GNB4: variants seen among roughly 807,000 people sequenced by gnomAD.
GNB4 encodes the protein G protein subunit beta 4.
In GNB4, 28 loss-of-function variants were observed where a neutral mutation model predicts 45.2. The ratio of observed to expected loss-of-function variants is 0.62; its 90% CI spans 0.46 to 0.85. GNB4 has a LOEUF of 0.85. GNB4 is among the 40% of genes least tolerant of loss of function. The pLI is 0.00. For synonymous variants in GNB4, 132 were observed against 143.7 expected (o/e 0.92, Z 0.58); for missense variants, 321 against 425.4 (o/e 0.75, Z 2.16).
At chr3:179,464,180 T>C in the GNB4 span, among the ~76,000 whole-genome samples, 9 of 152,138 alleles carry the variant, frequency 5.9e-5, no homozygotes, top group Non-Finnish European at 8.8e-5. Flanking sequence ...AACCTGGGGC[T>C]GGGTGCAGTG....
At chr3:179,467,336 A>C in the GNB4 span, among the ~76,000 whole-genome samples, 19 of 152,150 alleles carry the variant, frequency 1.2e-4, no homozygotes, top group Admixed American at 1.2e-3. Context: ...GGCATAGGAG[A>C]TGTTTCTGGA....
At chr3:179,407,319 C>T (rs1212905061) in intron 8 of GNB4, among the ~76,000 whole-genome samples, 2 of 152,176 alleles carry the variant, frequency 1.3e-5, no homozygotes, top group South Asian at 2.1e-4. Flanking sequence ...ATTAGCACAG[C>T]GTGTTGGCGG....
chr3:179,407,736 G>A (rs191392934), intron 8 of GNB4, among the ~76,000 whole-genome samples: 8 of 151,558 alleles, frequency 5.3e-5, no homozygotes, highest in Admixed American at 2.6e-4. Context: ...ACTGAGTACC[G>A]ATCAGCAGAG....
chr3:179,471,156 G>A, the GNB4 span, among the ~76,000 whole-genome samples: 27 of 143,574 alleles, frequency 1.9e-4, no homozygotes, highest in East Asian at 5.0e-3. Context: ...TCCAACCTGG[G>A]CAACAGAGCG....
chr3:179,426,873 AT>A (rs1715160856), intron 1 of GNB4, among the ~76,000 whole-genome samples: 2 of 152,132 alleles, frequency 1.3e-5, no homozygotes, highest in South Asian at 4.1e-4. Flanking sequence ...CTCTGGTCTA[AT>A]TAGAGCAACT....
chr3:179,502,729 G>A, the GNB4 span, among the ~76,000 whole-genome samples: 1 of 152,110 alleles, frequency 6.6e-6, no homozygotes, highest in East Asian at 1.9e-4. Flanking sequence ...CTGAACATCA[G>A]TAAAATCTTC....
the GNB4 span, among the ~76,000 whole-genome samples, chr3:179,481,989 A>G: frequency 4.6e-5 from 7 of 151,962 alleles, no homozygotes; most frequent in African/African-American, 1.7e-4. Context: ...TATAGCATCT[A>G]CCTCCCTGGC....
At position 179,445,407 on chromosome 3, in the gene GNB4, T is replaced by C. The variant is rs201012431; in HGVS notation, c.-43+5939A>G. Among the ~76,000 whole-genome samples, 8 of 152,208 alleles carry C rather than the reference T, an allele frequency of 5.3e-5. No homozygotes were observed. In the East Asian group the frequency reaches 1.5e-3, roughly 29 times the overall value. The stretch of plus-strand genomic sequence containing the variant: ...TCAATCAATCTTCCTACCCTAGCCT[T>C]CCGAGTAGCTGGAACTACAGGCGTA... On this transcript the variant is annotated intron_variant, in intron 1 of 9. Coordinates refer to ENST00000232564, the MANE Select transcript of GNB4 (RefSeq NM_021629.4).
At chr3:179,503,184 T>A in the GNB4 span, among the ~76,000 whole-genome samples, 1 of 152,104 alleles carries the variant, frequency 6.6e-6, no homozygotes, top group Non-Finnish European at 1.5e-5. Context: ...ATATTTTACC[T>A]AAAAAAACCC....
chr3:179,413,614 C>A lies in GNB4; in HGVS notation c.498-1G>T. ...GGCAGTTTCGATGTCCCATAAAGCA[C>A]TGTAATTAAAAACAAAATTTCATGA... On this transcript the variant is annotated splice_acceptor_variant, in intron 7 of 9. Transcript: ENST00000232564. LOFTEE classifies it high-confidence loss of function. 9 of 1,614,068 alleles carry A rather than the reference C, an allele frequency of 5.6e-6. No homozygotes were observed. The highest frequency in any genetic ancestry group is 7.6e-6 in the Non-Finnish European group (9 of 1,179,940).
At chr3:179,471,529 G>A in the GNB4 span, among the ~76,000 whole-genome samples, 75 of 152,318 alleles carry the variant, frequency 4.9e-4, no homozygotes, top group East Asian at 0.012. Context: ...GTATAGGCTT[G>A]TAGCCTAGGA....
the GNB4 span, among the ~76,000 whole-genome samples, chr3:179,483,475 A>T: frequency 6.6e-6 from 1 of 152,174 alleles, no homozygotes; most frequent in Non-Finnish European, 1.5e-5. Context: ...TATAGTTATT[A>T]TAGCTGAGCC....
intron 1 of GNB4, among the ~76,000 whole-genome samples, chr3:179,431,878 C>G (rs1715320969): frequency 6.6e-6 from 1 of 152,310 alleles, no homozygotes; most frequent in South Asian, 2.1e-4. Flanking sequence ...ATCCCTCACT[C>G]TCATCCAGCA....
Position 179,401,128 on chromosome 3 carries a change from T to A in GNB4, c.*85A>T, listed in dbSNP as rs1430956969. 8 of 773,076 alleles carry A rather than the reference T, an allele frequency of 1.0e-5. No homozygotes were observed. Among genetic ancestry groups the A allele is most frequent in the Non-Finnish European group, 1.3e-5 (7 of 526,424 alleles). 47.9% of individuals were successfully genotyped at this position (773,076 alleles called of 1,614,324 possible). On this transcript the variant is annotated 3_prime_UTR_variant, in exon 10 of 10. Coordinates refer to ENST00000232564, the MANE Select transcript of GNB4 (RefSeq NM_021629.4). ...TAATAGAAAAATCTTCACCTGCAAATATAAGGTAGAATTTTTTCACAGCTA... is the reference window on the plus strand; with the variant it reads ...TAATAGAAAAATCTTCACCTGCAAAAATAAGGTAGAATTTTTTCACAGCTA...
chr3:179,465,791 ATT>A, the GNB4 span, among the ~76,000 whole-genome samples: 1 of 119,450 alleles, frequency 8.4e-6, no homozygotes, highest in Non-Finnish European at 1.7e-5. Context: ...TAAATAGATA[ATT>A]TTTTTCTTCT....
At chr3:179,468,035 A>AAAAAAAATATATATAT in the GNB4 span, among the ~76,000 whole-genome samples, 122 of 89,864 alleles carry the variant, frequency 1.4e-3, 7 homozygotes, top group African/African-American at 3.8e-3. Flanking sequence ...TGTTGATAAA[A>AAAAAAAATATATATAT]ATATATATAT....
intron 1 of GNB4, among the ~76,000 whole-genome samples, chr3:179,450,651 G>T (rs1715845203): frequency 1.3e-5 from 2 of 152,232 alleles, no homozygotes; most frequent in South Asian, 2.1e-4. Context: ...TGAAAGCCTG[G>T]TTTCAAACTT....
chr3:179,415,171 A>C, intron 5 of GNB4, 124 bp from the exon 6 acceptor site: 1 of 660,748 alleles, frequency 1.5e-6, no homozygotes, highest in Non-Finnish European at 2.2e-6. Context: ...GTCAAATAAA[A>C]TAATGTAATG....
At chr3:179,445,478 G>C (rs923769490) in intron 1 of GNB4, among the ~76,000 whole-genome samples, 1 of 152,026 alleles carries the variant, frequency 6.6e-6, no homozygotes, top group African/African-American at 2.4e-5. Flanking sequence ...TAGAGATGGG[G>C]TTTCACCATG....
Sources: allele counts gnomAD v4.1 joint callset (sites outside exome capture counted in the v4.1 genomes callset), GRCh38; gene constraint gnomAD v4.1.1; transcripts MANE v1.5; gene names NCBI Gene and HGNC (gene_info 2026-07-23, HGNC 2026-07-21).